TANC1: variants seen among roughly 807,000 people sequenced by gnomAD.
TANC1 encodes protein TANC1.
A neutral mutation model predicts 149.7 loss-of-function variants in TANC1; 77 were observed. The ratio of observed to expected loss-of-function variants is 0.51; its 90% CI spans 0.43 to 0.62. The LOEUF (loss-of-function observed/expected upper bound fraction) is 0.62, where lower values mean the gene tolerates loss of function less well. TANC1 is among the 20% of genes least tolerant of loss of function. The pLI, the probability that TANC1 is intolerant of heterozygous loss-of-function variation, is 0.00. For synonymous variants in TANC1, 854 were observed against 925.0 expected (o/e 0.92, Z 1.39); for missense variants, 1,985 against 2,321.8 (o/e 0.85, Z 2.98).
chr2:159,223,588 G>C (rs1021288943), intron 22 of TANC1, among the ~76,000 whole-genome samples: 4 of 152,182 alleles, frequency 2.6e-5, no homozygotes, highest in African/African-American at 4.8e-5. Context: ...AGGCTAAAAT[G>C]GCTCCAGTAA....
chr2:159,084,242 T>A (rs2044597948), intron 3 of TANC1, among the ~76,000 whole-genome samples: 1 of 148,040 alleles, frequency 6.8e-6, no homozygotes, highest in Admixed American at 6.7e-5. Flanking sequence ...AGAGCAAGAC[T>A]CCATCTCAAA....
At chr2:159,160,513 C>G (rs1049396345) in intron 7 of TANC1, among the ~76,000 whole-genome samples, 1 of 152,136 alleles carries the variant, frequency 6.6e-6, no homozygotes, top group African/African-American at 2.4e-5. Context: ...CTTGGGGACT[C>G]CGGGGCTGCC....
chr2:159,207,725 A>AAAAAAAAAAAAAAC (rs1559460731), intron 19 of TANC1, among the ~76,000 whole-genome samples: 2 of 133,872 alleles, frequency 1.5e-5, no homozygotes, highest in African/African-American at 6.5e-5. Flanking sequence ...AAAAAAAAAA[A>AAAAAAAAAAAAAAC]AACAACTCAG....
chr2:159,053,245 A>T (rs1451414812), intron 2 of TANC1, among the ~76,000 whole-genome samples: 1 of 152,128 alleles, frequency 6.6e-6, no homozygotes, highest in Non-Finnish European at 1.5e-5. Context: ...GTTAATTAAA[A>T]AATTAAGCCT....
At chr2:159,102,792 C>T (rs1287613101) in intron 4 of TANC1, among the ~76,000 whole-genome samples, 1 of 76,598 alleles carries the variant, frequency 1.3e-5, no homozygotes, top group African/African-American at 4.0e-5. Flanking sequence ...GATCTGGGCT[C>T]ACTGCAAGCT....
At chr2:159,041,658 G>A (rs988100460) in intron 2 of TANC1, among the ~76,000 whole-genome samples, 12 of 152,182 alleles carry the variant, frequency 7.9e-5, no homozygotes, top group African/African-American at 2.9e-4. Context: ...GTGTTAGGGT[G>A]GTAGTGTCCC....
chr2:159,012,115 C>T (rs1268739684), intron 2 of TANC1, among the ~76,000 whole-genome samples: 7 of 152,174 alleles, frequency 4.6e-5, no homozygotes, highest in African/African-American at 7.2e-5. Context: ...CCCATCCCAC[C>T]CCTGGACCCC....
intron 4 of TANC1, among the ~76,000 whole-genome samples, chr2:159,109,718 T>A (rs537906841): frequency 2.3e-4 from 35 of 152,360 alleles, no homozygotes; most frequent in Non-Finnish European, 4.4e-4. Flanking sequence ...CCAGTGTCCA[T>A]GTGCTGCACA....
At chr2:159,002,513 G>T (rs1259940484) in intron 2 of TANC1, among the ~76,000 whole-genome samples, 1 of 150,964 alleles carries the variant, frequency 6.6e-6, no homozygotes, top group Admixed American at 6.5e-5. Flanking sequence ...GGTATGAAAT[G>T]CATACATGAG....
intron 3 of TANC1, among the ~76,000 whole-genome samples, chr2:159,095,605 G>A (rs377035293): frequency 3.9e-5 from 6 of 151,906 alleles, no homozygotes; most frequent in East Asian, 3.9e-4. Context: ...GTGTGGTGGC[G>A]GGCGCCTGTA....
At chr2:158,991,613 G>A (rs181360092) in intron 1 of TANC1, among the ~76,000 whole-genome samples, 3 of 152,198 alleles carry the variant, frequency 2.0e-5, no homozygotes, top group African/African-American at 7.2e-5. Flanking sequence ...AATTAGCCAG[G>A]CGTGGTGGCG....
chr2:159,136,857 T>C (rs2050814887), intron 5 of TANC1, among the ~76,000 whole-genome samples: 1 of 152,112 alleles, frequency 6.6e-6, no homozygotes, highest in South Asian at 2.1e-4. Context: ...ATATGTATTT[T>C]ATACCTGGAA....
At chr2:159,040,906 C>T (rs1286450115) in intron 2 of TANC1, among the ~76,000 whole-genome samples, 1 of 152,146 alleles carries the variant, frequency 6.6e-6, no homozygotes, top group Non-Finnish European at 1.5e-5. Context: ...GTTTATCTAC[C>T]TTCAGTCTTT....
intron 4 of TANC1, among the ~76,000 whole-genome samples, chr2:159,132,695 C>G: frequency 6.9e-6 from 1 of 144,724 alleles, no homozygotes; most frequent in Non-Finnish European, 1.5e-5. Context: ...GATGGGGTTT[C>G]ACTATGTTAC....
intron 14 of TANC1, among the ~76,000 whole-genome samples, chr2:159,183,821 G>A (rs1349695495): frequency 6.6e-6 from 1 of 152,124 alleles, no homozygotes; most frequent in Non-Finnish European, 1.5e-5. Flanking sequence ...CCTGAGTGAC[G>A]GGGCAGGTTG....
At chr2:159,177,110 A>G (rs1025804532) in intron 13 of TANC1, among the ~76,000 whole-genome samples, 1 of 151,590 alleles carries the variant, frequency 6.6e-6, no homozygotes, top group Non-Finnish European at 1.5e-5. Flanking sequence ...GATTTTCACC[A>G]TGTTGGCCAG....
chr2:159,199,134 T>C, intron 19 of TANC1, 81 bp downstream of exon 19: 2 of 1,010,760 alleles, frequency 2.0e-6, no homozygotes, highest in East Asian at 4.8e-5. Flanking sequence ...GTCTTAAGAA[T>C]GACTGATATA....
Position 159,196,728 on chromosome 2 carries a change from A to G in TANC1, c.3100A>G (p.Thr1034Ala), listed in dbSNP as rs769897798. Residue 1034 changes from threonine (T) to alanine (A), a missense_variant, in exon 18 of 27, where the codon ACC (threonine) becomes GCC (alanine). By Grantham distance (58) the Thr-to-Ala change is moderately conservative. This residue lies in a region of TANC1 where 508 missense variants were observed against 714.2 expected (regional missense o/e 0.71). Transcript: ENST00000263635. ...GTCGCCGGGTCCTCCCCAGCCAGGC[A>G]CCCTGAGGAAGAGCCACGCCCTGCA... is the stretch of plus-strand genomic sequence containing the variant. ...EWSPGPPQPG[T>A]LRKSHALQQA... 2 of 1,613,664 alleles carry G rather than the reference A, an allele frequency of 1.2e-6. No individual in the cohort carries two copies. Among genetic ancestry groups the G allele is most frequent in the African/African-American group, 2.7e-5 (2 of 74,904 alleles).
intron 4 of TANC1, among the ~76,000 whole-genome samples, chr2:159,128,455 C>G (rs542697975): frequency 9.2e-5 from 14 of 152,318 alleles, no homozygotes; most frequent in Non-Finnish European, 1.0e-4. Flanking sequence ...TGGGAGATAT[C>G]CAAGGGATGG....
Sources: allele counts gnomAD v4.1 joint callset (sites outside exome capture counted in the v4.1 genomes callset), GRCh38; gene constraint gnomAD v4.1.1; regional missense constraint gnomAD v4.1.1; transcripts MANE v1.5; gene names NCBI Gene and HGNC (gene_info 2026-07-23, HGNC 2026-07-21).